Variants in GABBR2 observed in about 807,000 individuals in gnomAD.
The protein encoded by GABBR2 is G-protein coupled receptor 51.
GABBR2 carries 23 observed loss-of-function variants against 105.6 expected under a neutral mutation model. The ratio of observed to expected loss-of-function variants is 0.22; its 90% CI spans 0.16 to 0.31. The LOEUF (loss-of-function observed/expected upper bound fraction) is 0.31. Ranked by LOEUF, GABBR2 falls within the 10% of genes least tolerant of loss-of-function variation. GABBR2 has a pLI of 1.00. For missense variants in GABBR2, 734 were observed against 1,245.5 expected, an observed-to-expected ratio of 0.59 and a Z score of 6.18; for synonymous variants, 478 against 499.7, an observed-to-expected ratio of 0.96 and a Z score of 0.58.
chr9:98,380,403 A>G (rs1257917969), intron 11 of GABBR2, among the ~76,000 whole-genome samples: 1 of 152,150 alleles, frequency 6.6e-6, no homozygotes, highest in Non-Finnish European at 1.5e-5. Flanking sequence ...TCTGCCTCAG[A>G]TCCACAAGGA....
chr9:98,403,770 T>C (rs531811729), intron 8 of GABBR2, among the ~76,000 whole-genome samples: 221 of 149,068 alleles, frequency 1.5e-3, no homozygotes, highest in African/African-American at 5.1e-3. Context: ...TATATATATA[T>C]ACATATATAT....
At chr9:98,474,791 G>A (rs537955183) in intron 5 of GABBR2, among the ~76,000 whole-genome samples, 1 of 152,128 alleles carries the variant, frequency 6.6e-6, no homozygotes, top group African/African-American at 2.4e-5. Context: ...GGAGGCCAGA[G>A]CTCCCAACAA....
intron 13 of GABBR2, among the ~76,000 whole-genome samples, chr9:98,329,841 C>T (rs1181981058): frequency 6.6e-6 from 1 of 151,706 alleles, no homozygotes; most frequent in Non-Finnish European, 1.5e-5. Flanking sequence ...CCCATCTCTC[C>T]TCTCCTCTCC....
In GABBR2 at chr9:98,513,519, T is replaced by C. The variant is rs369213322; in HGVS notation, c.631-17005A>G. ...TGCAACCTACTCATCTGACAAAGGG[T>C]TAATATCCAGAATCTACAATGAACT... On this transcript the variant is annotated intron_variant, in intron 3 of 18. Coordinates refer to ENST00000259455, the MANE Select transcript of GABBR2 (RefSeq NM_005458.8). Among the ~76,000 whole-genome samples, 9 of 151,458 alleles carry C rather than the reference T, an allele frequency of 5.9e-5. No homozygotes were observed. The South Asian group carries it at 1.3e-3, about 21-fold the overall frequency.
chr9:98,483,297 C>A (rs1052126769), intron 4 of GABBR2, among the ~76,000 whole-genome samples: 3 of 152,162 alleles, frequency 2.0e-5, no homozygotes, highest in Non-Finnish European at 4.4e-5. Context: ...AGCCCCACTG[C>A]CCTGAGTTTG....
intron 3 of GABBR2, among the ~76,000 whole-genome samples, chr9:98,506,046 T>A (rs903983377): frequency 1.3e-5 from 2 of 152,182 alleles, no homozygotes; most frequent in African/African-American, 4.8e-5. Context: ...TTCCCTCTAT[T>A]TGATGGCACC....
intron 1 of GABBR2, among the ~76,000 whole-genome samples, chr9:98,616,275 C>T (rs773695349): frequency 1.3e-5 from 2 of 152,184 alleles, no homozygotes; most frequent in South Asian, 2.1e-4. Context: ...TCTCACCCTC[C>T]GGGTCAGGCA....
intron 13 of GABBR2, among the ~76,000 whole-genome samples, chr9:98,350,868 G>T (rs559185004): frequency 1.3e-5 from 2 of 152,216 alleles, no homozygotes; most frequent in East Asian, 3.9e-4. Flanking sequence ...TTATATTGGA[G>T]TCTACCTCTT....
chr9:98,367,311 A>AAT (rs200102618), intron 12 of GABBR2, among the ~76,000 whole-genome samples: 3,800 of 151,270 alleles, frequency 0.025, 157 homozygotes, highest in African/African-American at 0.089. Context: ...AAAAAAAAAA[A>AAT]AAAATAAGGG....
intron 7 of GABBR2, among the ~76,000 whole-genome samples, chr9:98,442,409 A>G (rs1826048819): frequency 6.6e-6 from 1 of 152,200 alleles, no homozygotes; most frequent in Admixed American, 6.5e-5. Context: ...GAGCTTTTAT[A>G]GGTGTAGGAT....
intron 1 of GABBR2, among the ~76,000 whole-genome samples, chr9:98,691,363 A>C (rs1428806079): frequency 6.6e-6 from 1 of 152,098 alleles, no homozygotes; most frequent in Non-Finnish European, 1.5e-5. Flanking sequence ...AGGGCTTGTC[A>C]CCCCTAGGAA....
rs150352053 is a variant in GABBR2, at chr9:98,349,910, T to A, written c.1893+12805A>T. ...TTTCTTTGTTGGGAGACTTCTTGTA[T>A]GGATTCAATTCTGTTACTCATTATT... On this transcript the variant is annotated intron_variant, in intron 13 of 18. Transcript: ENST00000259455. Among the ~76,000 whole-genome samples, 7 of 152,206 alleles carry A rather than the reference T, an allele frequency of 4.6e-5. No homozygotes were observed. The East Asian group carries it at 1.3e-3, about 29-fold the overall frequency.
At chr9:98,595,723 G>A (rs777987149) in intron 1 of GABBR2, among the ~76,000 whole-genome samples, 5 of 151,802 alleles carry the variant, frequency 3.3e-5, no homozygotes, top group Non-Finnish European at 7.4e-5. Flanking sequence ...ATATACAAAA[G>A]CACAAAATGG....
intron 13 of GABBR2, among the ~76,000 whole-genome samples, chr9:98,340,039 C>T (rs1398116927): frequency 6.6e-6 from 1 of 151,340 alleles, no homozygotes; most frequent in Non-Finnish European, 1.5e-5. Context: ...TCAAAGCTGG[C>T]ACACACTTTG....
chr9:98,461,753 A>G (rs191706956), intron 6 of GABBR2, among the ~76,000 whole-genome samples: 93 of 152,360 alleles, frequency 6.1e-4, no homozygotes, highest in South Asian at 1.4e-3. Context: ...CCAGGTGCAG[A>G]ATCAAGAATC....
At chr9:98,504,647 G>A (rs1827469609) in intron 3 of GABBR2, among the ~76,000 whole-genome samples, 1 of 152,192 alleles carries the variant, frequency 6.6e-6, no homozygotes, top group South Asian at 2.1e-4. Context: ...CATGAATTGT[G>A]CCGAAATGTC....
rs761164200 is a variant in GABBR2, at chr9:98,303,396, C to T, written c.2257G>A (p.Ala753Thr). 6.2e-7 allele frequency: 1 copy of T among 1,614,178 alleles called. No individual in the cohort carries two copies. ...KLITLRTNPD[A>T]ATQNRRFQFT... ...TGGAATCGCCTGTTCTGCGTTGCTG[C>T]ATCTGGGTTTGTTCTCAGGGTGATG... Residue 753 changes from alanine (A) to threonine (T), a missense_variant, in exon 16 of 19, where the codon GCA becomes ACA. This residue lies in a region of GABBR2 where 91 missense variants were observed against 185.9 expected (regional missense o/e 0.49). Coordinates refer to ENST00000259455, the MANE Select transcript of GABBR2 (RefSeq NM_005458.8).
chr9:98,420,541 A>G (rs1437773055), intron 7 of GABBR2, among the ~76,000 whole-genome samples: 1 of 152,194 alleles, frequency 6.6e-6, no homozygotes, highest in African/African-American at 2.4e-5. Flanking sequence ...AGATACAACA[A>G]TCCCCAAGAC....
chr9:98,450,046 G>A (rs1362357548), intron 7 of GABBR2, among the ~76,000 whole-genome samples: 1 of 152,152 alleles, frequency 6.6e-6, no homozygotes, highest in Non-Finnish European at 1.5e-5. Context: ...GGGACCACTG[G>A]CCCAGCTCCC....
Sources: allele counts gnomAD v4.1 joint callset (sites outside exome capture counted in the v4.1 genomes callset), GRCh38; gene constraint gnomAD v4.1.1; regional missense constraint gnomAD v4.1.1; transcripts MANE v1.5; gene names NCBI Gene and HGNC (gene_info 2026-07-23, HGNC 2026-07-21).